CAST: variants seen among roughly 807,000 people sequenced by gnomAD.
CAST encodes the protein MIR583 host.
Under a neutral mutation model 119.6 loss-of-function variants are expected in CAST, and 76 were observed. The observed-to-expected ratio is 0.64, with a 90% CI of 0.53 to 0.77. CAST has a LOEUF of 0.77. Ranked by LOEUF, CAST falls within the 30% of genes least tolerant of loss-of-function variation. The pLI is 0.00. For synonymous variants in CAST, 319 were observed against 331.6 expected (o/e 0.96, Z 0.41); for missense variants, 953 against 946.5 (o/e 1.01, Z -0.09).
At chr5:96,357,806 C>G in the CAST span, among the ~76,000 whole-genome samples, 3 of 152,082 alleles carry the variant, frequency 2.0e-5, no homozygotes, top group Admixed American at 1.3e-4. Flanking sequence ...TTTGTTGTTT[C>G]TCAGCCAGGC....
the CAST span, among the ~76,000 whole-genome samples, chr5:96,160,519 A>T: frequency 6.6e-6 from 1 of 152,086 alleles, no homozygotes; most frequent in Non-Finnish European, 1.5e-5. Context: ...CTACCGATAT[A>T]CTTTTAGGTT....
At chr5:96,133,501 A>G in the CAST span, among the ~76,000 whole-genome samples, 2 of 152,178 alleles carry the variant, frequency 1.3e-5, no homozygotes, top group Non-Finnish European at 1.5e-5. Context: ...TCTTTACGAC[A>G]TGAGAGGGGT....
At chr5:96,652,808 CAG>C (rs1554072673) in intron 1 of CAST, among the ~76,000 whole-genome samples, 1 of 152,164 alleles carries the variant, frequency 6.6e-6, no homozygotes, top group Non-Finnish European at 1.5e-5. Context: ...TTGGTGGTCA[CAG>C]GGACTCCAAC....
At chr5:96,486,258 C>T in the CAST span, among the ~76,000 whole-genome samples, 1 of 152,070 alleles carries the variant, frequency 6.6e-6, no homozygotes, top group Non-Finnish European at 1.5e-5. Context: ...CAACGTACAG[C>T]CCCAGAAGCA....
the CAST span, among the ~76,000 whole-genome samples, chr5:96,453,903 AAAG>A: frequency 2.6e-5 from 4 of 152,324 alleles, no homozygotes; most frequent in African/African-American, 9.6e-5. Context: ...GAAGAAAAAA[AAAG>A]AGAAAAATCT....
the CAST span, among the ~76,000 whole-genome samples, chr5:96,128,848 C>T: frequency 6.6e-6 from 1 of 152,088 alleles, no homozygotes; most frequent in South Asian, 2.1e-4. Flanking sequence ...TCAGGGCCTA[C>T]ATTGCACAAG....
the CAST span, among the ~76,000 whole-genome samples, chr5:95,971,815 C>T: frequency 6.6e-6 from 1 of 152,228 alleles, no homozygotes; most frequent in African/African-American, 2.4e-5. Flanking sequence ...CAATACTATT[C>T]CATTTATGGG....
chr5:96,697,325 A>C (rs1002457822), intron 3 of CAST, among the ~76,000 whole-genome samples: 12 of 151,798 alleles, frequency 7.9e-5, no homozygotes, highest in Non-Finnish European at 1.0e-4. Context: ...TGGCTATCTT[A>C]TGGAAGTCAG....
the CAST span, among the ~76,000 whole-genome samples, chr5:96,006,607 C>A: frequency 2.0e-5 from 3 of 152,084 alleles, no homozygotes; most frequent in Non-Finnish European, 2.9e-5. Flanking sequence ...GAAATCAAAC[C>A]TTCTGATGCC....
chr5:96,025,103 C>T, the CAST span, among the ~76,000 whole-genome samples: 1 of 152,244 alleles, frequency 6.6e-6, no homozygotes, highest in South Asian at 2.1e-4. Flanking sequence ...CCAAACTGAC[C>T]GAATTTAACA....
chr5:96,743,606 C>T (rs374713473), intron 16 of CAST: 21 of 1,608,738 alleles, frequency 1.3e-5, no homozygotes, highest in Non-Finnish European at 1.8e-5. Flanking sequence ...ATCCTTGAGT[C>T]TGGGACTGCC....
At chr5:96,682,354 T>G (rs1163214428) in intron 2 of CAST, among the ~76,000 whole-genome samples, 5 of 152,202 alleles carry the variant, frequency 3.3e-5, no homozygotes, top group Admixed American at 3.3e-4. Context: ...GGTTTAAATT[T>G]TGGTTTTCGT....
the CAST span, among the ~76,000 whole-genome samples, chr5:96,393,865 G>A: frequency 1.3e-5 from 2 of 152,214 alleles, no homozygotes; most frequent in African/African-American, 2.4e-5. Flanking sequence ...GTGGTCAGGG[G>A]AGAGACTGAG....
the CAST span, among the ~76,000 whole-genome samples, chr5:96,067,111 A>G: frequency 8.5e-5 from 13 of 152,180 alleles, no homozygotes; most frequent in African/African-American, 2.7e-4. Context: ...TGTGGGATAA[A>G]CAAATTTATA....
the CAST span, among the ~76,000 whole-genome samples, chr5:96,493,047 GATAAAA>G: frequency 6.6e-6 from 1 of 152,158 alleles, no homozygotes; most frequent in Non-Finnish European, 1.5e-5. Context: ...TAAAGCTACA[GATAAAA>G]GCTACAGATA....
chr5:96,429,860 G>A, the CAST span, among the ~76,000 whole-genome samples: 1 of 152,152 alleles, frequency 6.6e-6, no homozygotes, highest in South Asian at 2.1e-4. Flanking sequence ...ACAGTAGGAG[G>A]CTAGTGATGC....
At chr5:96,456,126 C>T in the CAST span, among the ~76,000 whole-genome samples, 78 of 152,204 alleles carry the variant, frequency 5.1e-4, no homozygotes, top group African/African-American at 1.9e-3. Context: ...AAGGATGACC[C>T]GAGCCCCCTA....
the CAST span, among the ~76,000 whole-genome samples, chr5:96,307,101 C>A: frequency 6.6e-6 from 1 of 152,118 alleles, no homozygotes; most frequent in East Asian, 1.9e-4. Flanking sequence ...CTTTGTAGGT[C>A]TTTTAGAAGT....
the CAST span, among the ~76,000 whole-genome samples, chr5:96,169,988 T>C: frequency 2.0e-5 from 3 of 152,166 alleles, no homozygotes; most frequent in Non-Finnish European, 2.9e-5. Context: ...ACAACAGTTA[T>C]GGAGGCAAAG....
Sources: gnomAD v4.1 joint callset for allele counts (sites outside exome capture counted in the v4.1 genomes callset) on GRCh38, gnomAD v4.1.1 for gene constraint, MANE v1.5 for transcripts, NCBI Gene and HGNC (gene_info 2026-07-23, HGNC 2026-07-21) for gene names.